Variants in ZFP41 observed in about 807,000 individuals in gnomAD.
ZFP41 encodes zinc finger protein 41 homolog.
In ZFP41, 10 loss-of-function variants were observed where a neutral mutation model predicts 11.6. The ratio of observed to expected loss-of-function variants is 0.86; its 90% CI spans 0.53 to 1.47. The LOEUF is 1.47. Among genes scored for constraint, ZFP41 ranks in the 40% most tolerant of loss-of-function variants. The probability of loss-of-function intolerance (pLI) is 0.00; values close to 1 mark genes in which losing one functional copy is unlikely to be tolerated. For synonymous variants in ZFP41, 123 were observed against 100.9 expected, an observed-to-expected ratio of 1.22 and a Z score of -1.31; for missense variants, 302 against 264.6, an observed-to-expected ratio of 1.14 and a Z score of -0.98.
intron 2 of ZFP41, among the ~76,000 whole-genome samples, chr8:143,257,264 G>A (rs1311079664): frequency 6.6e-6 from 1 of 152,232 alleles, no homozygotes; most frequent in Non-Finnish European, 1.5e-5. Flanking sequence ...GGCCAAGGCA[G>A]GCAGATCACC....
At chr8:143,249,563 G>A (rs1173549305) in intron 1 of ZFP41, 127 bp from the exon 2 acceptor site, 1 of 353,916 alleles carries the variant, frequency 2.8e-6, no homozygotes, top group East Asian at 4.7e-5. Flanking sequence ...GGGGCTCCGG[G>A]GAGATCAGCA....
At chr8:143,254,334 C>T (rs149295886) in intron 2 of ZFP41, among the ~76,000 whole-genome samples, 335 of 152,360 alleles carry the variant, frequency 2.2e-3, no homozygotes, top group Middle Eastern at 0.017. Context: ...TCCTTGCACA[C>T]GCTCTCTGTG....
At position 143,250,496 on chromosome 8, in the gene ZFP41, T is replaced by A; in HGVS notation, c.*56T>A. ...GGTGCGAGCCTCGCCGGACACCTGCTCCGTGGCTCCCTCGTGTCCCGCGTC... is the reference window on the plus strand; with the variant it reads ...GGTGCGAGCCTCGCCGGACACCTGCACCGTGGCTCCCTCGTGTCCCGCGTC... On this transcript the variant is annotated 3_prime_UTR_variant, in exon 2 of 3. Transcript: ENST00000330701. The A allele has an allele frequency of 6.4e-7, 1 of 1,568,824 alleles. No individual in the cohort carries two copies. Among genetic ancestry groups the A allele is most frequent in the Non-Finnish European group, 8.6e-7 (1 of 1,156,968 alleles).
chr8:143,249,537 C>A, intron 1 of ZFP41, 153 bp from the exon 2 acceptor site: 2 of 271,810 alleles, frequency 7.4e-6, no homozygotes, highest in East Asian at 1.3e-4. Flanking sequence ...AAGGAAAGGC[C>A]GGGAGAGAGT....
chr8:143,258,684 T>C (rs1353072283), intron 2 of ZFP41, among the ~76,000 whole-genome samples: 1 of 152,056 alleles, frequency 6.6e-6, no homozygotes, highest in Non-Finnish European at 1.5e-5. Flanking sequence ...AAGACCAGCC[T>C]GAACAACGCA....
chr8:143,259,365 G>A (rs759912296), intron 2 of ZFP41, among the ~76,000 whole-genome samples: 2 of 152,248 alleles, frequency 1.3e-5, no homozygotes, highest in African/African-American at 2.4e-5. Context: ...CAGGAGAGAC[G>A]GGCCGGCACA....
At chr8:143,258,844 A>C (rs1814972253) in intron 2 of ZFP41, among the ~76,000 whole-genome samples, 1 of 152,244 alleles carries the variant, frequency 6.6e-6, no homozygotes, top group Non-Finnish European at 1.5e-5. Context: ...TGTGCCCCAC[A>C]GCGTGGTAAA....
chr8:143,254,156 C>T (rs535497556), intron 2 of ZFP41, among the ~76,000 whole-genome samples: 2 of 152,200 alleles, frequency 1.3e-5, no homozygotes, highest in Non-Finnish European at 2.9e-5. Flanking sequence ...CATTAAAGAG[C>T]CTGGTGCCTC....
chr8:143,254,726 G>A (rs1474555237), intron 2 of ZFP41, among the ~76,000 whole-genome samples: 17 of 138,058 alleles, frequency 1.2e-4, no homozygotes, highest in Admixed American at 9.3e-4. Flanking sequence ...TCCACCTCCC[G>A]CGGTCAAGCG....
chr8:143,261,618 C>T lies in ZFP41; in HGVS notation c.*2744C>T, dbSNP rs980525027. On this transcript the variant is annotated 3_prime_UTR_variant, in exon 3 of 3. Transcript: ENST00000330701. Reference sequence around the variant, plus strand: ...CCCACCTTGACAGAATCCCCAGGGTCGTGCGTGGCGGTGGGGGCGACTTCA... The same window carrying T: ...CCCACCTTGACAGAATCCCCAGGGTTGTGCGTGGCGGTGGGGGCGACTTCA... 9.0e-5 allele frequency: 14 copies of T among 154,818 alleles called. No individual in the cohort carries two copies. The highest frequency in any genetic ancestry group is 2.9e-4 in the African/African-American group (12 of 41,412). 9.6% of individuals were successfully genotyped at this position (154,818 alleles called of 1,614,324 possible).
intron 2 of ZFP41, among the ~76,000 whole-genome samples, chr8:143,254,617 A>G (rs546347930): frequency 6.7e-6 from 1 of 149,448 alleles, no homozygotes; most frequent in East Asian, 2.0e-4. Flanking sequence ...GTTACTGACA[A>G]TAGGGAGCGT....
chr8:143,255,881 TAGTG>T (rs1394346020), intron 2 of ZFP41, among the ~76,000 whole-genome samples: 1 of 112,058 alleles, frequency 8.9e-6, no homozygotes, highest in Non-Finnish European at 1.8e-5. Context: ...GTGCTGGTGT[TAGTG>T]AGATCAGGGC....
rs144491055 is a variant in ZFP41 at position 143,250,211 on chromosome 8, C to T, written c.368C>T (p.Ala123Val). ...TTCAAGTGTGCGCAGTGCGGGAAGG[C>T]CTTCCGGCACAGCTCTGACGTCACC... is the stretch of plus-strand genomic sequence containing the variant. ...KPFKCAQCGKAFRHSSDVTKH... is the reference protein window; with the variant it reads ...KPFKCAQCGKVFRHSSDVTKH... The change falls in exon 2 of 3, where the codon GCC becomes GTC. Residue 123 changes from alanine (A) to valine (V), a missense_variant. By Grantham distance (64) the Ala-to-Val change is moderately conservative. Coordinates refer to ENST00000330701, the MANE Select transcript of ZFP41 (RefSeq NM_173832.6). The T allele has an allele frequency of 1.3e-4, 210 of 1,613,914 alleles. No homozygotes were observed. The highest frequency in any genetic ancestry group is 1.7e-4 in the Non-Finnish European group (197 of 1,180,026).
intron 1 of ZFP41, among the ~76,000 whole-genome samples, chr8:143,248,686 GCCCA>G (rs1563724649): frequency 2.6e-5 from 4 of 151,462 alleles, no homozygotes; most frequent in Non-Finnish European, 5.9e-5. Flanking sequence ...GGGCACCAGG[GCCCA>G]CCCCCTGCCC....
At chr8:143,258,462 A>G (rs1039224480) in intron 2 of ZFP41, among the ~76,000 whole-genome samples, 3 of 152,192 alleles carry the variant, frequency 2.0e-5, no homozygotes, top group Non-Finnish European at 4.4e-5. Flanking sequence ...CCCTCGGGAG[A>G]GCCTCAAGAC....
intron 2 of ZFP41, among the ~76,000 whole-genome samples, chr8:143,253,880 G>T (rs571133454): frequency 6.6e-6 from 1 of 152,122 alleles, no homozygotes; most frequent in Admixed American, 6.5e-5. Flanking sequence ...AGTTTTTTCC[G>T]TGGACAGGGA....
rs865947132 is a variant in ZFP41, at chr8:143,262,143, C to T, written c.*3269C>T. The T allele has an allele frequency of 3.1e-4, 53 of 172,122 alleles. 1 individual carries two copies. Among genetic ancestry groups the T allele is most frequent in the Admixed American group, 9.7e-4 (15 of 15,386 alleles). The allele number at this position is 172,122 out of a possible 1,614,324, so 10.7% of individuals were successfully genotyped here. The stretch of plus-strand genomic sequence containing the variant: ...CCCGCACCCCTGCACCTCCCACGCC[C>T]GTCTTGCCCTGGGGCCCAGGTGCAG... On this transcript the variant is annotated 3_prime_UTR_variant, in exon 3 of 3. Coordinates refer to ENST00000330701, the MANE Select transcript of ZFP41 (RefSeq NM_173832.6).
chr8:143,254,181 TC>T (rs1814851662), intron 2 of ZFP41, among the ~76,000 whole-genome samples: 2 of 151,958 alleles, frequency 1.3e-5, no homozygotes, highest in Non-Finnish European at 2.9e-5. Flanking sequence ...CGTCTCTTGC[TC>T]CCTCCCTGCA....
chr8:143,253,891 G>A (rs1814842920), intron 2 of ZFP41, among the ~76,000 whole-genome samples: 1 of 152,198 alleles, frequency 6.6e-6, no homozygotes, highest in Non-Finnish European at 1.5e-5. Flanking sequence ...TGGACAGGGA[G>A]TGGTGTGGAT....
Sources: gnomAD v4.1 joint callset for allele counts (sites outside exome capture counted in the v4.1 genomes callset) on GRCh38, gnomAD v4.1.1 for gene constraint, MANE v1.5 for transcripts, NCBI Gene and HGNC (gene_info 2026-07-23, HGNC 2026-07-21) for gene names.